Variants in MARCHF5 observed in about 807,000 individuals in gnomAD.
The protein encoded by MARCHF5 is E3 ubiquitin-protein ligase MARCHF5.
In MARCHF5, 5 loss-of-function variants were observed where a neutral mutation model predicts 36.5. The ratio of observed to expected loss-of-function variants is 0.14; its 90% confidence interval spans 0.07 to 0.29. The LOEUF (loss-of-function observed/expected upper bound fraction) is 0.29, where lower values mean the gene tolerates loss of function less well. Among genes scored for constraint, MARCHF5 ranks in the 10% least tolerant of loss-of-function variants. MARCHF5 has a pLI of 1.00. For missense variants in MARCHF5, 179 were observed against 336.3 expected (o/e 0.53, Z 3.66); for synonymous variants, 103 against 109.9 (o/e 0.94, Z 0.39).
chr10:92,302,565 C>CTCCTGAGGCAGGAATTACAGGAA (rs1042053199), intron 1 of MARCHF5, among the ~76,000 whole-genome samples: 6 of 151,864 alleles, frequency 4.0e-5, no homozygotes, highest in African/African-American at 1.5e-4. Flanking sequence ...CTGCCTCAGC[C>CTCCTGAGGCAGGAATTACAGGAA]TCCTGAGTAG....
At chr10:92,313,400 C>T (rs1054851663) in intron 2 of MARCHF5, among the ~76,000 whole-genome samples, 14 of 150,806 alleles carry the variant, frequency 9.3e-5, no homozygotes, top group African/African-American at 2.2e-4. Flanking sequence ...GTCAGGAGAT[C>T]GAGACCATCC....
intron 2 of MARCHF5, among the ~76,000 whole-genome samples, chr10:92,315,084 C>T (rs1843193685): frequency 6.6e-6 from 1 of 152,218 alleles, no homozygotes; most frequent in African/African-American, 2.4e-5. Context: ...GATTCCAGCA[C>T]AACTTTTCAA....
At chr10:92,296,033 G>A (rs1211726081) in intron 1 of MARCHF5, among the ~76,000 whole-genome samples, 1 of 151,704 alleles carries the variant, frequency 6.6e-6, no homozygotes, top group Non-Finnish European at 1.5e-5. Flanking sequence ...GTGCCACCAC[G>A]CCTGGCTAAT....
chr10:92,339,679 TAAA>T (rs1843552636), intron 2 of MARCHF5, among the ~76,000 whole-genome samples: 1 of 151,846 alleles, frequency 6.6e-6, no homozygotes, highest in African/African-American at 2.4e-5. Flanking sequence ...CAAAAAAAAA[TAAA>T]AATAATAAAT....
chr10:92,347,051 T>C (rs1170366850), intron 3 of MARCHF5, among the ~76,000 whole-genome samples: 1 of 152,182 alleles, frequency 6.6e-6, no homozygotes, highest in African/African-American at 2.4e-5. Flanking sequence ...GATATAAAAA[T>C]AGAATTTCTT....
chr10:92,338,342 C>T (rs548973129), intron 2 of MARCHF5, among the ~76,000 whole-genome samples: 1 of 152,228 alleles, frequency 6.6e-6, no homozygotes, highest in African/African-American at 2.4e-5. Flanking sequence ...AAACTTAACC[C>T]AGCAAATTTG....
At chr10:92,304,480 C>A (rs543351895) in intron 1 of MARCHF5, among the ~76,000 whole-genome samples, 7 of 152,110 alleles carry the variant, frequency 4.6e-5, no homozygotes, top group African/African-American at 1.7e-4. Context: ...AGAAATGAAA[C>A]CAATTATATT....
At chr10:92,348,257 G>A (rs1843680372) in intron 3 of MARCHF5, among the ~76,000 whole-genome samples, 1 of 151,686 alleles carries the variant, frequency 6.6e-6, no homozygotes, top group South Asian at 2.1e-4. Flanking sequence ...GAGAGGCCGA[G>A]GCAGGCTGAT....
At chr10:92,350,503 A>G (rs1843703661) in intron 5 of MARCHF5, among the ~76,000 whole-genome samples, 1 of 152,162 alleles carries the variant, frequency 6.6e-6, no homozygotes, top group South Asian at 2.1e-4. Context: ...AGCAGGGGTG[A>G]TTGTCGGGTA....
intron 2 of MARCHF5, among the ~76,000 whole-genome samples, chr10:92,316,684 T>A (rs1843213867): frequency 6.6e-6 from 1 of 152,078 alleles, no homozygotes; most frequent in Admixed American, 6.6e-5. Flanking sequence ...TGCCTCAGCC[T>A]TCCAAGTAGA....
intron 2 of MARCHF5, chr10:92,333,730 G>A (rs894888761): frequency 7.4e-6 from 6 of 809,298 alleles, no homozygotes; most frequent in Non-Finnish European, 7.5e-6. Context: ...CTGAGAAGTT[G>A]GATTTTTATA....
chr10:92,327,417 A>G (rs1475396680), intron 2 of MARCHF5, among the ~76,000 whole-genome samples: 1 of 151,448 alleles, frequency 6.6e-6, no homozygotes, highest in African/African-American at 2.4e-5. Context: ...TCCTCCATTG[A>G]TGGACATACA....
At chr10:92,338,632 T>C (rs970883835) in intron 2 of MARCHF5, among the ~76,000 whole-genome samples, 2 of 152,324 alleles carry the variant, frequency 1.3e-5, no homozygotes, top group Middle Eastern at 6.8e-3. Context: ...TCTTCTAATG[T>C]TCTCTCTACT....
chr10:92,350,482 A>C (rs1047848010), intron 5 of MARCHF5, among the ~76,000 whole-genome samples: 4 of 152,186 alleles, frequency 2.6e-5, no homozygotes, highest in African/African-American at 9.7e-5. Flanking sequence ...TAGGCAAAAG[A>C]GATAGTGAGA....
chr10:92,318,111 G>T (rs1263432152), intron 2 of MARCHF5, among the ~76,000 whole-genome samples: 1 of 151,074 alleles, frequency 6.6e-6, no homozygotes, highest in Non-Finnish European at 1.5e-5. Context: ...CTTTAGTGCA[G>T]TATTAAATAG....
intron 2 of MARCHF5, among the ~76,000 whole-genome samples, chr10:92,338,249 T>TA (rs1416607080): frequency 2.0e-5 from 3 of 152,156 alleles, no homozygotes; most frequent in Admixed American, 1.3e-4. Flanking sequence ...TATATATACT[T>TA]ACGGTCTTTA....
chr10:92,329,403 A>C (rs11186923), intron 2 of MARCHF5, among the ~76,000 whole-genome samples: 51,035 of 152,134 alleles, frequency 0.34, 10,759 homozygotes, highest in Middle Eastern at 0.52. Context: ...AAAGGGTACT[A>C]TAGAGTAAGA....
At chr10:92,348,253 C>T (rs993182533) in intron 3 of MARCHF5, among the ~76,000 whole-genome samples, 1 of 151,584 alleles carries the variant, frequency 6.6e-6, no homozygotes, top group Admixed American at 6.6e-5. Context: ...CTTTGAGAGG[C>T]CGAGGCAGGC....
chr10:92,301,223 A>G (rs986873414), intron 1 of MARCHF5, among the ~76,000 whole-genome samples: 1 of 152,108 alleles, frequency 6.6e-6, no homozygotes, highest in African/African-American at 2.4e-5. Flanking sequence ...GTTCACATAG[A>G]TGACAATATT....
Sources: gnomAD v4.1 joint callset for allele counts (sites outside exome capture counted in the v4.1 genomes callset) on GRCh38, gnomAD v4.1.1 for gene constraint, MANE v1.5 for transcripts, NCBI Gene and HGNC (gene_info 2026-07-23, HGNC 2026-07-21) for gene names.